Variants in PNLIPRP3 observed in about 807,000 individuals in gnomAD.
The protein encoded by PNLIPRP3 is pancreatic lipase-related protein 3.
In PNLIPRP3, 58 loss-of-function variants were observed where a neutral mutation model predicts 52.8. The ratio of observed to expected loss-of-function variants is 1.10; its 90% CI spans 0.89 to 1.37. The LOEUF is 1.37. Among genes scored for constraint, PNLIPRP3 ranks in the 40% most tolerant of loss-of-function variants. The pLI, the probability that PNLIPRP3 is intolerant of heterozygous loss-of-function variation, is 0.00. For missense variants in PNLIPRP3, 593 were observed against 561.6 expected (o/e 1.06, Z -0.57); for synonymous variants, 192 against 185.0 (o/e 1.04, Z -0.31).
Position 116,451,959 on chromosome 10 carries a change from C to A in PNLIPRP3, c.457-3763C>A, listed in dbSNP as rs540543812. On this transcript the variant is annotated intron_variant, in intron 4 of 11. Coordinates refer to ENST00000369230, the MANE Select transcript of PNLIPRP3 (RefSeq NM_001011709.3). ...GAGAGTTGTGGGGCTCAGAAGAATA[C>A]AGGAAGATGAGGGAAAGTTTGAAAC... is the stretch of plus-strand genomic sequence containing the variant. Among the ~76,000 whole-genome samples, 7 of 152,172 alleles carry A rather than the reference C, an allele frequency of 4.6e-5. No homozygotes were observed. In the East Asian group the frequency reaches 1.2e-3, roughly 25 times the overall value.
intron 4 of PNLIPRP3, among the ~76,000 whole-genome samples, chr10:116,444,995 T>C (rs1163677831): frequency 2.0e-5 from 3 of 152,196 alleles, no homozygotes; most frequent in Admixed American, 2.0e-4. Context: ...ACCTTGCTAT[T>C]TATTAGGCCT....
intron 8 of PNLIPRP3, among the ~76,000 whole-genome samples, chr10:116,468,727 T>A (rs936595373): frequency 6.6e-6 from 1 of 152,234 alleles, no homozygotes; most frequent in Non-Finnish European, 1.5e-5. Flanking sequence ...TTTGACATTT[T>A]AAAAATTATA....
At chr10:116,470,514 A>T (rs200421466) in intron 9 of PNLIPRP3, among the ~76,000 whole-genome samples, 13 of 142,456 alleles carry the variant, frequency 9.1e-5, no homozygotes, top group Non-Finnish European at 1.1e-4. Flanking sequence ...TATATATATA[A>T]TTTTTTTTTT....
chr10:116,447,618 A>G (rs1845971638), intron 4 of PNLIPRP3, among the ~76,000 whole-genome samples: 1 of 152,186 alleles, frequency 6.6e-6, no homozygotes, highest in Non-Finnish European at 1.5e-5. Flanking sequence ...AAAAAGTACC[A>G]AACAAATCTT....
intron 7 of PNLIPRP3, among the ~76,000 whole-genome samples, chr10:116,465,706 G>A (rs918646161): frequency 7.9e-5 from 12 of 152,174 alleles, no homozygotes; most frequent in African/African-American, 2.9e-4. Context: ...TTGGCTTAAA[G>A]GTTGGGTTTC....
At position 116,436,847 on chromosome 10, in the gene PNLIPRP3, C is replaced by A. The variant is rs759332547; in HGVS notation, c.186C>A (p.His62Gln). 3.1e-6 allele frequency: 5 copies of A among 1,602,914 alleles called. No homozygotes were observed. Among genetic ancestry groups the A allele is most frequent in the Admixed American group, 3.4e-5 (2 of 58,826 alleles). The part of the protein sequence containing the change: ...INTRFLLYTI[H>Q]NPNAYQEISA... ...CTCGTTTCCTGCTCTACACTATACA[C>A]AATCCCAATGCCTATCAGGTAAGCT... Residue 62 changes from histidine to glutamine, a missense_variant, in exon 2 of 12, where the codon CAC becomes CAA. Transcript: ENST00000369230.
Position 116,476,554 on chromosome 10 carries a change from A to G in PNLIPRP3, c.1173-98A>G, listed in dbSNP as rs887464213. On this transcript the variant is annotated intron_variant, in intron 10 of 11. Coordinates refer to ENST00000369230, the MANE Select transcript of PNLIPRP3 (RefSeq NM_001011709.3). Reference sequence around the variant, plus strand: ...CTCCTACAAGCAAATGCTAGCAAATACAAGTTTCTCTTCCATAGTGCATAC... The same window carrying G: ...CTCCTACAAGCAAATGCTAGCAAATGCAAGTTTCTCTTCCATAGTGCATAC... 4.1e-5 allele frequency: 37 copies of G among 907,072 alleles called. No homozygotes were observed. In the African/African-American group the frequency reaches 5.1e-4, roughly 12 times the overall value. 56.2% of individuals were successfully genotyped at this position (907,072 alleles called of 1,614,324 possible). A position where few individuals can be genotyped will look rare whatever the true frequency, so the allele number is the denominator to read the frequency against.
chr10:116,459,181 C>A (rs1467758637), intron 5 of PNLIPRP3, among the ~76,000 whole-genome samples: 1 of 151,846 alleles, frequency 6.6e-6, no homozygotes, highest in East Asian at 1.9e-4. Flanking sequence ...TTTGCCTTTG[C>A]CTATCTGTTC....
chr10:116,449,391 A>T (rs1451909472), intron 4 of PNLIPRP3, among the ~76,000 whole-genome samples: 2 of 152,264 alleles, frequency 1.3e-5, no homozygotes, highest in Non-Finnish European at 2.9e-5. Context: ...AAGTGAAGAG[A>T]TGGAAAAGAA....
intron 4 of PNLIPRP3, 53 bp from the exon 5 acceptor site, chr10:116,455,669 A>G: frequency 7.7e-7 from 1 of 1,290,830 alleles, no homozygotes; most frequent in Non-Finnish European, 1.1e-6. Context: ...AGCATATTTA[A>G]GCTATTCCAC....
At chr10:116,473,444 A>C (rs1005691095) in intron 10 of PNLIPRP3, among the ~76,000 whole-genome samples, 5 of 152,230 alleles carry the variant, frequency 3.3e-5, no homozygotes, top group Non-Finnish European at 7.3e-5. Context: ...ATACTATACA[A>C]ATGTAAGCAT....
intron 2 of PNLIPRP3, among the ~76,000 whole-genome samples, chr10:116,441,287 G>T (rs528751381): frequency 6.6e-6 from 1 of 152,282 alleles, no homozygotes; most frequent in South Asian, 2.1e-4. Flanking sequence ...GGAGACATGT[G>T]CAATGTATGA....
At chr10:116,461,340 C>T in intron 7 of PNLIPRP3, 50 bp downstream of exon 7, 1 of 1,581,358 alleles carries the variant, frequency 6.3e-7, no homozygotes, top group Non-Finnish European at 8.7e-7. Context: ...TCACTTAGCT[C>T]TCTCCTTAGA....
chr10:116,439,528 CT>C, intron 2 of PNLIPRP3: 1 of 811,464 alleles, frequency 1.2e-6, no homozygotes, highest in Non-Finnish European at 2.1e-6. Context: ...TTCCGGGCAA[CT>C]TTAGCAGGAC....
intron 10 of PNLIPRP3, among the ~76,000 whole-genome samples, chr10:116,473,062 G>T (rs1376960594): frequency 6.6e-6 from 1 of 152,218 alleles, no homozygotes; most frequent in Non-Finnish European, 1.5e-5. Flanking sequence ...AGCTGGTGAT[G>T]AATATGCAGT....
chr10:116,447,053 C>A (rs1027627504), intron 4 of PNLIPRP3, among the ~76,000 whole-genome samples: 1 of 152,112 alleles, frequency 6.6e-6, no homozygotes, highest in Non-Finnish European at 1.5e-5. Context: ...GTCACTATAG[C>A]CCCTTCCCCT....
rs112754593 is a variant in PNLIPRP3, at chr10:116,455,538, C to T, written c.457-184C>T. 2.7e-3 allele frequency among the ~76,000 whole-genome samples: 407 copies of T among 152,288 alleles called. 4 individuals carry two copies. The highest frequency in any genetic ancestry group is 9.4e-3 in the African/African-American group (391 of 41,570). ...CCTATAGAAGGCATTCTTCCAAGCT[C>T]ATCTGTTCTCCTTCAGTTGGATAAG... On this transcript the variant is annotated intron_variant, in intron 4 of 11. Transcript: ENST00000369230.
chr10:116,473,385 G>A (rs765866449), intron 10 of PNLIPRP3, among the ~76,000 whole-genome samples: 1 of 151,942 alleles, frequency 6.6e-6, no homozygotes, highest in Non-Finnish European at 1.5e-5. Context: ...TTGAGCAAGT[G>A]GAAACAAAAT....
chr10:116,466,169 G>A lies in PNLIPRP3; in HGVS notation c.927+1G>A, dbSNP rs1846280359. 1.9e-6 allele frequency: 3 copies of A among 1,570,626 alleles called. No individual in the cohort carries two copies. The highest frequency in any genetic ancestry group is 2.6e-6 in the Non-Finnish European group (3 of 1,146,158). ...TAGATCCTACACATCTTTTAAAGCA[G>A]TAAGTAAATCATCTTACTTGGAATT... On this transcript the variant is annotated splice_donor_variant, in intron 8 of 11. Transcript: ENST00000369230. LOFTEE classifies it high-confidence loss of function.
Sources: allele counts gnomAD v4.1 joint callset (sites outside exome capture counted in the v4.1 genomes callset), GRCh38; gene constraint gnomAD v4.1.1; transcripts MANE v1.5; gene names NCBI Gene and HGNC (gene_info 2026-07-23, HGNC 2026-07-21).